The following MTTP variants were observed in gnomAD, a reference collection of about 807,000 sequenced individuals.
MTTP encodes microsomal triglyceride transfer protein large subunit.
MTTP carries 49 observed loss-of-function variants against 90.6 expected under a neutral mutation model. That is an observed-to-expected ratio of 0.54 (90% confidence interval 0.43 to 0.69). The LOEUF is 0.69. MTTP is among the 30% of genes least tolerant of loss of function. The pLI, the probability that MTTP is intolerant of heterozygous loss-of-function variation, is 0.00. For synonymous variants in MTTP, 347 were observed against 384.2 expected (o/e 0.90, Z 1.13); for missense variants, 945 against 1,067.5 (o/e 0.89, Z 1.60).
chr4:99,606,179 T>A (rs943717613), intron 10 of MTTP, among the ~76,000 whole-genome samples: 1 of 152,156 alleles, frequency 6.6e-6, no homozygotes, highest in Non-Finnish European at 1.5e-5. Flanking sequence ...ACTTTTCTGA[T>A]TGTAGAACAT....
chr4:99,614,813 A>G (rs1726059122), intron 15 of MTTP, among the ~76,000 whole-genome samples: 1 of 152,238 alleles, frequency 6.6e-6, no homozygotes, highest in Non-Finnish European at 1.5e-5. Flanking sequence ...TTACATGGCT[A>G]TCTCTAGCTG....
At chr4:99,600,366 G>A (rs1168213343) in intron 8 of MTTP, among the ~76,000 whole-genome samples, 199 bp from the exon 9 acceptor site, 1 of 151,282 alleles carries the variant, frequency 6.6e-6, no homozygotes, top group African/African-American at 2.4e-5. Context: ...TGAGAGAGAG[G>A]GGCGTTCAAG....
chr4:99,598,745 C>A (rs1392788015), intron 8 of MTTP, among the ~76,000 whole-genome samples: 1 of 146,316 alleles, frequency 6.8e-6, no homozygotes, highest in Non-Finnish European at 1.5e-5. Flanking sequence ...CTCACCACAA[C>A]CTCCACCTTC....
intron 1 of MTTP, among the ~76,000 whole-genome samples, chr4:99,581,165 T>C (rs538237258): frequency 6.6e-6 from 1 of 152,338 alleles, no homozygotes; most frequent in East Asian, 1.9e-4. Context: ...TGGCATTTCT[T>C]TGGGCTAGGT....
Position 99,621,200 on chromosome 4 carries a change from A to T in MTTP, c.2482A>T (p.Met828Leu), listed in dbSNP as rs751358105. 1.2e-6 allele frequency: 2 copies of T among 1,614,082 alleles called. No individual in the cohort carries two copies. Among genetic ancestry groups the T allele is most frequent in the South Asian group, 1.1e-5 (1 of 91,082 alleles). The change falls in exon 17 of 18, where the codon ATG becomes TTG. Residue 828 changes from methionine to leucine, a missense_variant. Transcript: ENST00000265517. The part of the protein sequence containing the change: ...QFSQYPFLVC[M>L]QMDKDEAPFR... Reference sequence around the variant, plus strand: ...TTCTCAGTACCCATTCTTAGTTTGCATGCAGATGGACAAGGATGAAGCTCC... The same window carrying T: ...TTCTCAGTACCCATTCTTAGTTTGCTTGCAGATGGACAAGGATGAAGCTCC...
At chr4:99,589,584 A>T in intron 3 of MTTP, 59 bp from the exon 4 acceptor site, 7 of 978,546 alleles carry the variant, frequency 7.2e-6, no homozygotes, top group Non-Finnish European at 1.2e-5. Flanking sequence ...ACACTTATTT[A>T]AATCTGATAA....
chr4:99,601,471 A>G lies in MTTP; in HGVS notation c.1237-136A>G. 11 of 668,342 alleles carry G rather than the reference A, an allele frequency of 1.6e-5. 2 individuals carry two copies. The highest frequency in any genetic ancestry group is 2.2e-5 in the Admixed American group (1 of 44,582). 41.4% of individuals were successfully genotyped at this position (668,342 alleles called of 1,614,324 possible). A position where few individuals can be genotyped will look rare whatever the true frequency, so the allele number is the denominator to read the frequency against. On this transcript the variant is annotated intron_variant, in intron 9 of 17. Transcript: ENST00000265517. ...TAGATAGCAAATGTGTAAGTGTCTC[A>G]AAAGCAAAATTCTGAGTTTGCAATC...
intron 16 of MTTP, 28 bp downstream of exon 16, chr4:99,619,126 G>T: frequency 6.3e-7 from 1 of 1,589,728 alleles, no homozygotes; most frequent in Non-Finnish European, 8.6e-7. Context: ...ATACATTTAT[G>T]AATTACATAT....
chr4:99,623,018 A>G lies in MTTP; in HGVS notation c.*170A>G, dbSNP rs1484929825. 5.7e-6 allele frequency: 4 copies of G among 705,110 alleles called. No homozygotes were observed. Among genetic ancestry groups the G allele is most frequent in the African/African-American group, 3.5e-5 (2 of 56,682 alleles). 43.7% of individuals were successfully genotyped at this position (705,110 alleles called of 1,614,324 possible). A position where few individuals can be genotyped will look rare whatever the true frequency, so the allele number is the denominator to read the frequency against. On this transcript the variant is annotated 3_prime_UTR_variant, in exon 18 of 18. Transcript: ENST00000265517. ...TTGATCAAATTTGGGTATATGCAGT[A>G]TGCTACCCACAGCGTCATTTTGAAT...
rs41275707 is a variant in MTTP at position 99,574,904 on chromosome 4, G to A, written c.-6G>A. The A allele has an allele frequency of 2.4e-3, 3,935 of 1,614,122 alleles. 10 individuals carry two copies. Among genetic ancestry groups the A allele is most frequent in the Non-Finnish European group, 2.6e-3 (3,039 of 1,179,984 alleles). On this transcript the variant is annotated 5_prime_UTR_variant, in exon 1 of 18. Transcript: ENST00000265517. ...CACTGGATGCAGTTGAGGATTGCTG[G>A]TCAATATGATTCTTCTTGCTGTGCT... is the stretch of plus-strand genomic sequence containing the variant.
chr4:99,614,562 G>T (rs1726052657), intron 15 of MTTP, among the ~76,000 whole-genome samples: 1 of 152,192 alleles, frequency 6.6e-6, no homozygotes, highest in African/African-American at 2.4e-5. Context: ...AGGTGGTCCA[G>T]GGTTAATATG....
chr4:99,583,313 A>G lies in MTTP; in HGVS notation c.250-61A>G, dbSNP rs143213160. On this transcript the variant is annotated intron_variant, in intron 2 of 17. Coordinates refer to ENST00000265517, the MANE Select transcript of MTTP (RefSeq NM_001386140.1). ...TTTCTTTATCATTTTATTTTCAGAG[A>G]TACTCTGATGAAGACAGATATAGGA... 3.1e-5 allele frequency: 48 copies of G among 1,531,314 alleles called. No homozygotes were observed. The East Asian group carries it at 3.4e-4, about 11-fold the overall frequency. 94.9% of individuals were successfully genotyped at this position (1,531,314 alleles called of 1,614,324 possible). A position where few individuals can be genotyped will look rare whatever the true frequency, so the allele number is the denominator to read the frequency against.
At position 99,608,907 on chromosome 4, in the gene MTTP, C is replaced by T; in HGVS notation, c.1699C>T (p.Leu567Phe). ...VKNILLSIGE[L>F]PQEMNKYMLA... ...GAACATCCTGCTGTCTATTGGGGAG[C>T]TTCCCCAAGAAATGAATAAATACAT... is the stretch of plus-strand genomic sequence containing the variant. Residue 567 changes from leucine to phenylalanine, a missense_variant, in exon 12 of 18, where the codon CTT becomes TTT. Physicochemically the swap from Leu to Phe is conservative, Grantham distance 22. Transcript: ENST00000265517. 1 of 1,614,108 alleles carries T rather than the reference C, an allele frequency of 6.2e-7. No homozygotes were observed. Among genetic ancestry groups the T allele is most frequent in the Non-Finnish European group, 8.5e-7 (1 of 1,179,978 alleles).
intron 8 of MTTP, 77 bp downstream of exon 8, chr4:99,597,301 C>A (rs766007731): frequency 6.5e-7 from 1 of 1,549,686 alleles, no homozygotes; most frequent in Non-Finnish European, 8.8e-7. Flanking sequence ...GTAAGAAAGA[C>A]CCCTTTTAAA....
At chr4:99,600,503 A>C in intron 8 of MTTP, 62 bp from the exon 9 acceptor site, 191 of 1,476,462 alleles carry the variant, frequency 1.3e-4, no homozygotes, top group Middle Eastern at 1.9e-4. Flanking sequence ...TGTGAATGGT[A>C]GAGATTTTTA....
chr4:99,583,604 T>C, intron 3 of MTTP, 87 bp downstream of exon 3: 1 of 1,456,724 alleles, frequency 6.9e-7, no homozygotes, highest in Non-Finnish European at 9.6e-7. Flanking sequence ...GTAATCACAT[T>C]GTAACTACTT....
chr4:99,601,489 T>C, intron 9 of MTTP, 118 bp from the exon 10 acceptor site: 1 of 796,078 alleles, frequency 1.3e-6, no homozygotes, highest in Non-Finnish European at 2.1e-6. Context: ...AATTCTGAGT[T>C]TGCAATCTAG....
intron 4 of MTTP, among the ~76,000 whole-genome samples, chr4:99,591,029 C>T (rs561053060): frequency 3.4e-4 from 52 of 152,154 alleles, no homozygotes; most frequent in South Asian, 1.0e-3. Flanking sequence ...AATGAGAAGG[C>T]GCTATTAAGA....
At chr4:99,564,140 A>G (rs1484676560) in exon 1 of MTTP, 2 of 1,535,474 alleles carry the variant, frequency 1.3e-6, no homozygotes, top group African/African-American at 1.4e-5. Context: ...GTCTGGAGTT[A>G]GTGTTTTGGG....
Sources: allele counts gnomAD v4.1 joint callset (sites outside exome capture counted in the v4.1 genomes callset), GRCh38; gene constraint gnomAD v4.1.1; transcripts MANE v1.5; gene names NCBI Gene and HGNC (gene_info 2026-07-23, HGNC 2026-07-21).